ZCCHC4: variants seen among roughly 807,000 people sequenced by gnomAD.
The protein encoded by ZCCHC4 is zinc finger CCHC-type containing 4.
Under a neutral mutation model 67.7 loss-of-function variants are expected in ZCCHC4, and 54 were observed. That is an observed-to-expected ratio of 0.80 (90% CI 0.64 to 1.00). The LOEUF (loss-of-function observed/expected upper bound fraction) is 1.00, where lower values mean the gene tolerates loss of function less well. Ranked by LOEUF, ZCCHC4 falls within the 50% of genes least tolerant of loss-of-function variation. ZCCHC4 has a pLI of 0.00. For missense variants in ZCCHC4, 609 were observed against 617.0 expected (o/e 0.99, Z 0.14); for synonymous variants, 198 against 213.5 (o/e 0.93, Z 0.63).
intron 7 of ZCCHC4, 107 bp downstream of exon 7, chr4:25,349,749 G>C: frequency 8.4e-7 from 1 of 1,183,896 alleles, no homozygotes; most frequent in Non-Finnish European, 1.2e-6. Flanking sequence ...TACATGTCTT[G>C]AGTTCTCTTT....
Position 25,365,151 on chromosome 4 carries a change from C to G in ZCCHC4, c.1391C>G (p.Ser464Cys), listed in dbSNP as rs1720893048. The change falls in exon 12 of 13, where the codon TCT becomes TGT. Residue 464 changes from serine to cysteine, a missense_variant. Coordinates refer to ENST00000302874, the MANE Select transcript of ZCCHC4 (RefSeq NM_024936.3). ...KRSTCPNIAT[S>C]KRANKAVRKQ... ...AGTACTTGTCCTAACATTGCTACAT[C>G]TAAGAGAGCTAACAAGTCAGTCGAA... The G allele has an allele frequency of 1.2e-6, 2 of 1,613,918 alleles. No homozygotes were observed. The highest frequency in any genetic ancestry group is 2.7e-5 in the African/African-American group (2 of 74,892).
chr4:25,321,830 C>A (rs1718601518), intron 3 of ZCCHC4, among the ~76,000 whole-genome samples: 1 of 152,172 alleles, frequency 6.6e-6, no homozygotes, highest in African/African-American at 2.4e-5. Context: ...ATATTTACTT[C>A]TCTGATATCA....
chr4:25,345,441 A>G, intron 5 of ZCCHC4, 107 bp from the exon 6 acceptor site: 1 of 736,606 alleles, frequency 1.4e-6, no homozygotes, highest in Non-Finnish European at 2.2e-6. Flanking sequence ...TCAAAAAACT[A>G]AAAAATGAAA....
chr4:25,315,220 T>G, intron 2 of ZCCHC4, 98 bp from the exon 3 acceptor site: 1 of 1,087,234 alleles, frequency 9.2e-7, no homozygotes, highest in Non-Finnish European at 1.3e-6. Context: ...GTTGAGTTGG[T>G]TGAATTTCTG....
intron 10 of ZCCHC4, among the ~76,000 whole-genome samples, chr4:25,363,888 A>G (rs929468353): frequency 4.6e-5 from 7 of 152,306 alleles, no homozygotes; most frequent in African/African-American, 1.7e-4. Context: ...GTGACTTAGT[A>G]GGAGCATGGG....
At chr4:25,325,989 G>T (rs1718860662) in intron 3 of ZCCHC4, among the ~76,000 whole-genome samples, 1 of 152,102 alleles carries the variant, frequency 6.6e-6, no homozygotes, top group South Asian at 2.1e-4. Context: ...AATTGATTTG[G>T]CACCTGCATT....
At chr4:25,334,080 CTTTAG>C in intron 5 of ZCCHC4, 92 bp downstream of exon 5, 3 of 735,494 alleles carry the variant, frequency 4.1e-6, no homozygotes, top group Non-Finnish European at 6.1e-6. Context: ...TGTTACAACT[CTTTAG>C]TTTACATCTA....
chr4:25,321,522 G>A (rs542907690), intron 3 of ZCCHC4, among the ~76,000 whole-genome samples: 2 of 152,056 alleles, frequency 1.3e-5, no homozygotes, highest in Admixed American at 6.5e-5. Flanking sequence ...ACAGGCTCCC[G>A]CCACCACGCC....
At chr4:25,316,943 T>C (rs1327985756) in intron 3 of ZCCHC4, among the ~76,000 whole-genome samples, 1 of 152,258 alleles carries the variant, frequency 6.6e-6, no homozygotes, top group Admixed American at 6.5e-5. Context: ...AACCAAACTT[T>C]AAAAATCTCT....
rs1417538198 is a variant in ZCCHC4, at chr4:25,365,487, A to G, written c.1406+321A>G. The G allele has an allele frequency of 9.5e-6, 10 of 1,048,388 alleles. No homozygotes were observed. The Admixed American group carries it at 1.5e-4, about 16-fold the overall frequency. The allele number at this position is 1,048,388 out of a possible 1,614,324, so 64.9% of individuals were successfully genotyped here. On this transcript the variant is annotated intron_variant, in intron 12 of 12. Transcript: ENST00000302874. ...GACAGTTCATGCTTTATTGAAGGAC[A>G]TGATATTTACGTCAGGCTTTGAGGG...
chr4:25,343,226 G>A (rs900270236), intron 5 of ZCCHC4, among the ~76,000 whole-genome samples: 9 of 152,100 alleles, frequency 5.9e-5, no homozygotes, highest in Non-Finnish European at 8.8e-5. Context: ...TTAGGTTACG[G>A]TATATAGTTT....
chr4:25,324,539 G>A (rs1718759582), intron 3 of ZCCHC4, among the ~76,000 whole-genome samples: 1 of 152,104 alleles, frequency 6.6e-6, no homozygotes, highest in Non-Finnish European at 1.5e-5. Context: ...GTCCTTGTAT[G>A]GACTCATGGT....
At chr4:25,364,098 G>T (rs1311617009) in intron 10 of ZCCHC4, among the ~76,000 whole-genome samples, 1 of 152,064 alleles carries the variant, frequency 6.6e-6, no homozygotes, top group East Asian at 1.9e-4. Context: ...ATTTCATTAA[G>T]GATTATGCAG....
At chr4:25,360,229 C>A (rs918801645) in intron 8 of ZCCHC4, among the ~76,000 whole-genome samples, 7 of 152,200 alleles carry the variant, frequency 4.6e-5, no homozygotes, top group Admixed American at 4.6e-4. Context: ...GATTTAGAAG[C>A]GGCAACACTC....
At chr4:25,315,647 A>G (rs1718218513) in intron 3 of ZCCHC4, among the ~76,000 whole-genome samples, 1 of 151,386 alleles carries the variant, frequency 6.6e-6, no homozygotes, top group African/African-American at 2.4e-5. Context: ...AACTGCCACC[A>G]TTATGCTGTA....
At chr4:25,321,433 C>T (rs150964605) in intron 3 of ZCCHC4, among the ~76,000 whole-genome samples, 8,813 of 152,112 alleles carry the variant, frequency 0.058, 300 homozygotes, top group South Asian at 0.096. Context: ...AGTGCAGTGG[C>T]GTGATCTTGG....
intron 8 of ZCCHC4, among the ~76,000 whole-genome samples, chr4:25,356,115 G>A (rs1262114974): frequency 1.3e-5 from 2 of 152,160 alleles, no homozygotes; most frequent in Non-Finnish European, 2.9e-5. Context: ...ATTAAAAATT[G>A]GAAATTGCAG....
In ZCCHC4 at chr4:25,361,974, G is replaced by A. The variant is rs764380541; in HGVS notation, c.1127G>A (p.Gly376Glu). The A allele has an allele frequency of 1.2e-6, 2 of 1,613,098 alleles. No individual in the cohort carries two copies. Among genetic ancestry groups the A allele is most frequent in the Non-Finnish European group, 8.5e-7 (1 of 1,179,634 alleles). ...AAAATAATCCTTCCTACTGAAGAAG[G>A]GTACAGGTAAGATCACAGTGGAACT... ...PNKIILPTEE[G>E]YRFCSPCQRY... Residue 376 changes from glycine (G) to glutamate (E), a missense_variant, in exon 9 of 13, where the codon GGG becomes GAG. Physicochemically the swap from Gly to Glu is moderately conservative, Grantham distance 98. Coordinates refer to ENST00000302874, the MANE Select transcript of ZCCHC4 (RefSeq NM_024936.3).
rs923624416 is a variant in ZCCHC4 at position 25,352,420 on chromosome 4, T to G, written c.1011+731T>G. 4 of 985,342 alleles carry G rather than the reference T, an allele frequency of 4.1e-6. No individual in the cohort carries two copies. The African/African-American group carries it at 7.0e-5, about 17-fold the overall frequency. 61.0% of individuals were successfully genotyped at this position (985,342 alleles called of 1,614,324 possible). A position where few individuals can be genotyped will look rare whatever the true frequency, so the allele number is the denominator to read the frequency against. On this transcript the variant is annotated intron_variant, in intron 8 of 12. Coordinates refer to ENST00000302874, the MANE Select transcript of ZCCHC4 (RefSeq NM_024936.3). ...CTTCAGGCAGGTACTGCTTCTTTTT[T>G]TTTTTTGAGACAGAGTCTCACTCTG...
Sources: allele counts gnomAD v4.1 joint callset (sites outside exome capture counted in the v4.1 genomes callset), GRCh38; gene constraint gnomAD v4.1.1; transcripts MANE v1.5; gene names NCBI Gene and HGNC (gene_info 2026-07-23, HGNC 2026-07-21).